Variants in ZFP64 observed in about 807,000 individuals in gnomAD.
ZFP64 encodes the protein zinc finger protein 64.
Under a neutral mutation model 51.6 loss-of-function variants are expected in ZFP64, and 14 were observed. That is an observed-to-expected ratio of 0.27 (90% CI 0.18 to 0.42). The LOEUF is 0.42. ZFP64 is among the 10% of genes least tolerant of loss of function. ZFP64 has a pLI of 1.00. For missense variants in ZFP64, 754 were observed against 906.8 expected (o/e 0.83, Z 2.16); for synonymous variants, 375 against 361.4 (o/e 1.04, Z -0.43).
intron 3 of ZFP64, chr20:52,165,120 T>A (rs951384140): frequency 2.1e-6 from 1 of 467,430 alleles, no homozygotes; most frequent in Non-Finnish European, 4.3e-6. Flanking sequence ...CAATTAGTGA[T>A]CACTGGTTGG....
intron 5 of ZFP64, among the ~76,000 whole-genome samples, chr20:52,113,288 T>C (rs900722816): frequency 2.0e-5 from 3 of 151,504 alleles, no homozygotes; most frequent in Non-Finnish European, 4.4e-5. Context: ...GAGCCGCGAA[T>C]GCGCCACTGT....
rs148501116 is a variant in ZFP64 at position 52,114,267 on chromosome 20, G to C, written c.764-15680C>G. ...ACACACACATGCTGAGCGTGAGCCA[G>C]CTATTCCATGCCTATGCTGTATTTG... On this transcript the variant is annotated intron_variant, in intron 5 of 8. Coordinates refer to the ZFP64 transcript ENST00000361387. Among the ~76,000 whole-genome samples the C allele has an allele frequency of 3.3e-3, 508 of 152,364 alleles. 1 individual carries two copies. Among genetic ancestry groups the C allele is most frequent in the Non-Finnish European group, 5.0e-3 (340 of 68,042 alleles).
At chr20:52,146,248 TA>T (rs1460309993) in intron 5 of ZFP64, among the ~76,000 whole-genome samples, 1 of 152,210 alleles carries the variant, frequency 6.6e-6, no homozygotes, top group Non-Finnish European at 1.5e-5. Context: ...CAAAGGGCTA[TA>T]AATCATGCTG....
At chr20:52,141,017 G>C (rs1239080063) in intron 5 of ZFP64, among the ~76,000 whole-genome samples, 1 of 152,096 alleles carries the variant, frequency 6.6e-6, no homozygotes, top group Non-Finnish European at 1.5e-5. Context: ...AACCATGAAG[G>C]CTGGATGACA....
chr20:52,142,665 C>G (rs1355356459), intron 5 of ZFP64, among the ~76,000 whole-genome samples: 8 of 145,724 alleles, frequency 5.5e-5, no homozygotes, highest in Non-Finnish European at 1.2e-4. Flanking sequence ...CATGGTGAAA[C>G]CCTGTCTCTA....
chr20:52,103,726 G>A (rs2079078620), intron 5 of ZFP64, among the ~76,000 whole-genome samples: 1 of 152,190 alleles, frequency 6.6e-6, no homozygotes, highest in Admixed American at 6.5e-5. Context: ...ATCAGCAAGA[G>A]CCCCGCCCCT....
chr20:52,120,981 A>C (rs1468411925), intron 5 of ZFP64, among the ~76,000 whole-genome samples: 5 of 152,080 alleles, frequency 3.3e-5, no homozygotes, highest in Non-Finnish European at 5.9e-5. Flanking sequence ...CCAGTCCATG[A>C]TCAGTGATAT....
chr20:52,191,698 T>C lies in ZFP64; in HGVS notation c.-62A>G, dbSNP rs1361253141. 1.3e-6 allele frequency: 2 copies of C among 1,536,326 alleles called. No individual in the cohort carries two copies. Among genetic ancestry groups the C allele is most frequent in the African/African-American group, 2.8e-5 (2 of 71,432 alleles). The stretch of plus-strand genomic sequence containing the variant: ...CCAAAGTGGGGGACGCTGATCTACA[T>C]GGTGCAAGGACTTTTCCTTTTATTT... On this transcript the variant is annotated 5_prime_UTR_variant, in exon 1 of 6. The change abolishes an upstream ATG in the 5' untranslated region. Transcript: ENST00000216923. The surrounding 1 kb of genome is among the most constrained non-coding windows in gnomAD (Gnocchi z 4.3).
chr20:52,138,059 A>ATT (rs1568671776), intron 5 of ZFP64, among the ~76,000 whole-genome samples: 3,833 of 132,324 alleles, frequency 0.029, 71 homozygotes, highest in African/African-American at 0.067. Flanking sequence ...ATAAATAAGC[A>ATT]AGCCAGGCAT....
chr20:52,144,304 G>A (rs1225325993), intron 5 of ZFP64, among the ~76,000 whole-genome samples: 1 of 141,868 alleles, frequency 7.0e-6, no homozygotes, highest in Non-Finnish European at 1.6e-5. Flanking sequence ...CTGAGGCCAG[G>A]CATGGTGGCT....
intron 5 of ZFP64, among the ~76,000 whole-genome samples, chr20:52,136,750 C>G (rs1384609507): frequency 1.3e-5 from 2 of 152,000 alleles, no homozygotes; most frequent in African/African-American, 2.4e-5. Context: ...ATATATGTTG[C>G]TTTGGTCAAA....
In ZFP64 at chr20:52,123,224, C is replaced by T. The variant is rs114488705; in HGVS notation, c.764-24637G>A. 2.4e-3 allele frequency among the ~76,000 whole-genome samples: 369 copies of T among 152,254 alleles called. 1 individual carries two copies. Among genetic ancestry groups the T allele is most frequent in the African/African-American group, 8.5e-3 (354 of 41,554 alleles). Reference sequence around the variant, plus strand: ...CAGGCGAACATGTTCGCCATGTTACCCAGTCTTGAACTCCTGACCTCAGGT... The same window carrying T: ...CAGGCGAACATGTTCGCCATGTTACTCAGTCTTGAACTCCTGACCTCAGGT... On this transcript the variant is annotated intron_variant, in intron 5 of 8. Transcript: ENST00000361387.
chr20:52,085,382 C>T lies in ZFP64; in HGVS notation c.1229-116G>A. ...ATGGTTGGGTTTTGTGAACTCTAAACCCAACCTCCTAATGACAACACTTGT... is the reference window on the plus strand; with the variant it reads ...ATGGTTGGGTTTTGTGAACTCTAAATCCAACCTCCTAATGACAACACTTGT... On this transcript the variant is annotated intron_variant, in intron 8 of 8. Coordinates refer to the ZFP64 transcript ENST00000361387. The surrounding 1 kb of genome is among the most constrained non-coding windows in gnomAD (Gnocchi z 4.3). 1 of 1,083,756 alleles carries T rather than the reference C, an allele frequency of 9.2e-7. No individual in the cohort carries two copies. Among genetic ancestry groups the T allele is most frequent in the Non-Finnish European group, 1.3e-6 (1 of 767,004 alleles). 67.1% of individuals were successfully genotyped at this position (1,083,756 alleles called of 1,614,324 possible). A position where few individuals can be genotyped will look rare whatever the true frequency, so the allele number is the denominator to read the frequency against.
At chr20:52,176,344 G>A (rs1983210438) in intron 2 of ZFP64, among the ~76,000 whole-genome samples, 1 of 152,190 alleles carries the variant, frequency 6.6e-6, no homozygotes, top group Non-Finnish European at 1.5e-5. Context: ...AATGGTCACA[G>A]GGCAGCAGTG....
Position 52,160,407 on chromosome 20 carries a change from G to A in ZFP64, c.512-33C>T. 1 of 1,564,594 alleles carries A rather than the reference G, an allele frequency of 6.4e-7. No homozygotes were observed. Among genetic ancestry groups the A allele is most frequent in the Non-Finnish European group, 8.7e-7 (1 of 1,155,704 alleles). On this transcript the variant is annotated intron_variant, in intron 4 of 5. Coordinates refer to ENST00000216923, the MANE Select transcript of ZFP64 (RefSeq NM_018197.3). This position sits in a 1 kb window ranked among gnomAD's most constrained non-coding sequence, Gnocchi z 4.2. ...CACATACACACACAGATGGCAGCAG[G>A]AAACAAGATTAAAAAAGGAAAAGGC...
At chr20:52,091,916 G>C (rs1406656002) in intron 7 of ZFP64, among the ~76,000 whole-genome samples, 1 of 150,976 alleles carries the variant, frequency 6.6e-6, no homozygotes, top group Non-Finnish European at 1.5e-5. Context: ...CTTGAACCCA[G>C]GAGGTGGAGG....
At chr20:52,184,465 C>A (rs1983821848) in intron 2 of ZFP64, among the ~76,000 whole-genome samples, 1 of 152,172 alleles carries the variant, frequency 6.6e-6, no homozygotes, top group African/African-American at 2.4e-5. Flanking sequence ...GTTCTAGAAA[C>A]TTCCCTGGAA....
At chr20:52,104,930 G>A (rs1338847163) in intron 5 of ZFP64, 3 of 676,348 alleles carry the variant, frequency 4.4e-6, no homozygotes, top group Non-Finnish European at 7.6e-6. Flanking sequence ...ATCCAGGCGG[G>A]GAAGGGGACG....
chr20:52,183,245 AGGT>A (rs1327950118), intron 2 of ZFP64, among the ~76,000 whole-genome samples: 1 of 152,192 alleles, frequency 6.6e-6, no homozygotes, highest in Non-Finnish European at 1.5e-5. Flanking sequence ...AGCCAGGCCA[AGGT>A]GGGAAAGGTA....
Sources: gnomAD v4.1 joint callset for allele counts (sites outside exome capture counted in the v4.1 genomes callset) on GRCh38, gnomAD v4.1.1 for gene constraint, Gnocchi (gnomAD v3.1) non-coding constraint, MANE v1.5 for transcripts, NCBI Gene and HGNC (gene_info 2026-07-23, HGNC 2026-07-21) for gene names.